Variants in PTPRO observed in about 807,000 individuals in gnomAD.
PTPRO encodes the protein protein tyrosine phosphatase receptor type O.
Under a neutral mutation model 145.2 loss-of-function variants are expected in PTPRO, and 62 were observed. The observed-to-expected ratio is 0.43, with a 90% CI of 0.35 to 0.53. The LOEUF is 0.53. Ranked by LOEUF, PTPRO falls within the 20% of genes least tolerant of loss-of-function variation. The probability of loss-of-function intolerance (pLI) is 0.01; values close to 1 mark genes in which losing one functional copy is unlikely to be tolerated. For synonymous variants in PTPRO, 565 were observed against 514.7 expected (o/e 1.10, Z -1.32); for missense variants, 1,345 against 1,482.7 (o/e 0.91, Z 1.53).
In PTPRO at chr12:15,520,074, G is replaced by T. The variant is rs1472100977; in HGVS notation, c.1780-127G>T. 4.2e-5 allele frequency: 26 copies of T among 615,564 alleles called. No homozygotes were observed. In the East Asian group the frequency reaches 5.1e-4, roughly 12 times the overall value. The allele number at this position is 615,564 out of a possible 1,614,324, so 38.1% of individuals were successfully genotyped here. A position where few individuals can be genotyped will look rare whatever the true frequency, so the allele number is the denominator to read the frequency against. On this transcript the variant is annotated intron_variant, in intron 9 of 26. Coordinates refer to ENST00000281171, the MANE Select transcript of PTPRO (RefSeq NM_030667.3). Reference sequence around the variant, plus strand: ...GAATATTTTATTATAGTAAATTTAGGAAACACAAAAAGACAATATAAAGGA... The same window carrying T: ...GAATATTTTATTATAGTAAATTTAGTAAACACAAAAAGACAATATAAAGGA...
At chr12:15,573,074 G>A (rs1257936368) in intron 19 of PTPRO, among the ~76,000 whole-genome samples, 1 of 152,146 alleles carries the variant, frequency 6.6e-6, no homozygotes, top group Non-Finnish European at 1.5e-5. Context: ...AAACCAATGG[G>A]ATGTTTATAT....
At chr12:15,538,239 C>T (rs1238406017) in intron 12 of PTPRO, among the ~76,000 whole-genome samples, 3 of 147,736 alleles carry the variant, frequency 2.0e-5, no homozygotes, top group Non-Finnish European at 4.5e-5. Flanking sequence ...TTTAGTGCTT[C>T]TTTTTTTTTT....
intron 1 of PTPRO, among the ~76,000 whole-genome samples, chr12:15,449,705 T>C (rs7976329): frequency 0.28 from 42,775 of 152,114 alleles, 6,541 homozygotes; most frequent in South Asian, 0.43. Context: ...CTTACATTTA[T>C]ACAATGAAAA....
chr12:15,495,619 T>C (rs1200062279), intron 2 of PTPRO, among the ~76,000 whole-genome samples: 1 of 151,988 alleles, frequency 6.6e-6, no homozygotes, highest in Non-Finnish European at 1.5e-5. Flanking sequence ...GAGAGTTTTA[T>C]CAAGCACAAA....
chr12:15,508,302 T>TA (rs1942364367), intron 6 of PTPRO, among the ~76,000 whole-genome samples: 1 of 152,168 alleles, frequency 6.6e-6, no homozygotes, highest in Admixed American at 6.5e-5. Context: ...GTGAAGAATT[T>TA]ACCAGAATAC....
At chr12:15,539,897 A>G (rs931625649) in intron 12 of PTPRO, among the ~76,000 whole-genome samples, 4 of 150,148 alleles carry the variant, frequency 2.7e-5, no homozygotes, top group Non-Finnish European at 5.9e-5. Context: ...ATGTGTTTTC[A>G]GGTGCTAAAT....
At chr12:15,579,118 T>C (rs1336715420) in intron 20 of PTPRO, among the ~76,000 whole-genome samples, 175 bp downstream of exon 20, 1 of 152,198 alleles carries the variant, frequency 6.6e-6, no homozygotes, top group Non-Finnish European at 1.5e-5. Flanking sequence ...TCTTAGCATA[T>C]GGAGGAAGAT....
At chr12:15,479,979 AAAT>A (rs1193514201) in intron 1 of PTPRO, among the ~76,000 whole-genome samples, 1 of 152,144 alleles carries the variant, frequency 6.6e-6, no homozygotes, top group Non-Finnish European at 1.5e-5. Context: ...AGATATTTTT[AAAT>A]TCCTTTCGGT....
intron 1 of PTPRO, among the ~76,000 whole-genome samples, chr12:15,355,934 G>A (rs1217481926): frequency 6.6e-6 from 1 of 152,186 alleles, no homozygotes; most frequent in Non-Finnish European, 1.5e-5. Context: ...TAATCTAACT[G>A]CAGCTGCTAG....
intron 1 of PTPRO, among the ~76,000 whole-genome samples, chr12:15,391,109 A>T (rs1414108300): frequency 6.6e-6 from 1 of 152,228 alleles, no homozygotes; most frequent in African/African-American, 2.4e-5. Flanking sequence ...CAATACCATT[A>T]CATTGGGGGC....
At chr12:15,572,248 C>G (rs947917662) in intron 19 of PTPRO, among the ~76,000 whole-genome samples, 1 of 152,140 alleles carries the variant, frequency 6.6e-6, no homozygotes, top group East Asian at 1.9e-4. Context: ...TGGAATAATT[C>G]TTATGGATTG....
chr12:15,557,763 G>A (rs773143443), intron 16 of PTPRO, among the ~76,000 whole-genome samples: 1 of 152,076 alleles, frequency 6.6e-6, no homozygotes, highest in Non-Finnish European at 1.5e-5. Context: ...ACAAGGGACT[G>A]AAACAGTGGT....
chr12:15,410,793 TGAA>T (rs1939777539), intron 1 of PTPRO: 1 of 152,200 alleles, frequency 6.6e-6, no homozygotes, highest in African/African-American at 2.4e-5. Context: ...GTGTCCTTAT[TGAA>T]GGAGTGACTT....
At chr12:15,554,955 T>C (rs1477409574) in intron 15 of PTPRO, among the ~76,000 whole-genome samples, 1 of 151,860 alleles carries the variant, frequency 6.6e-6, no homozygotes, top group Non-Finnish European at 1.5e-5. Context: ...AATTTGAGAG[T>C]TGTTGGTTCT....
chr12:15,589,969 C>G (rs542586478), intron 25 of PTPRO, among the ~76,000 whole-genome samples: 8 of 152,216 alleles, frequency 5.3e-5, no homozygotes, highest in Non-Finnish European at 7.4e-5. Context: ...TGATTCAATA[C>G]ATTTGTCATT....
At chr12:15,417,802 C>T (rs1032354261) in intron 1 of PTPRO, among the ~76,000 whole-genome samples, 41 of 151,820 alleles carry the variant, frequency 2.7e-4, no homozygotes, top group African/African-American at 8.0e-4. Context: ...AACTGAGATT[C>T]GCCAGGGCCT....
intron 1 of PTPRO, among the ~76,000 whole-genome samples, chr12:15,422,660 T>C (rs1565620473): frequency 6.6e-6 from 1 of 152,200 alleles, no homozygotes; most frequent in African/African-American, 2.4e-5. Flanking sequence ...AAAGCGACCA[T>C]GTAGAAACGT....
chr12:15,497,254 C>T lies in PTPRO; in HGVS notation c.359C>T (p.Pro120Leu), dbSNP rs776393054. The part of the protein sequence containing the change: ...RSITVLTKPL[P>L]VTSVSIYDYK... ...TACTTCACTTCTGTAGAACCTCTAC[C>T]TGTAACCAGTGTTTCCATATATGAC... is the stretch of plus-strand genomic sequence containing the variant. Residue 120 changes from proline (P) to leucine (L), a missense_variant, in exon 3 of 27, where the codon CCT becomes CTT. By Grantham distance (98) the Pro-to-Leu change is moderately conservative. Transcript: ENST00000281171. 6.4e-7 allele frequency: 1 copy of T among 1,571,102 alleles called. No individual in the cohort carries two copies. Among genetic ancestry groups the T allele is most frequent in the Non-Finnish European group, 8.8e-7 (1 of 1,141,600 alleles).
At chr12:15,542,567 A>C (rs1943202092) in intron 12 of PTPRO, among the ~76,000 whole-genome samples, 1 of 152,200 alleles carries the variant, frequency 6.6e-6, no homozygotes, top group East Asian at 1.9e-4. Flanking sequence ...AATAAGAAGA[A>C]ATGCTCTAAC....
Sources: gnomAD v4.1 joint callset for allele counts (sites outside exome capture counted in the v4.1 genomes callset) on GRCh38, gnomAD v4.1.1 for gene constraint, MANE v1.5 for transcripts, NCBI Gene and HGNC (gene_info 2026-07-23, HGNC 2026-07-21) for gene names.